CPLANE1: variants seen among roughly 807,000 people sequenced by gnomAD.
CPLANE1 encodes the protein ciliogenesis and planar polarity effector 1.
Under a neutral mutation model 362.5 loss-of-function variants are expected in CPLANE1, and 263 were observed. That is an observed-to-expected ratio of 0.73 (90% CI 0.66 to 0.80). The LOEUF (loss-of-function observed/expected upper bound fraction) is 0.80, where lower values mean the gene tolerates loss of function less well. CPLANE1 is among the 30% of genes least tolerant of loss of function. The pLI is 0.00. For synonymous variants in CPLANE1, 1,212 were observed against 1,302.6 expected (o/e 0.93, Z 1.50); for missense variants, 3,461 against 3,793.4 (o/e 0.91, Z 2.30).
chr5:37,115,102 T>A (rs1416545132), intron 50 of CPLANE1, 53 bp from the exon 51 acceptor site: 1 of 1,164,704 alleles, frequency 8.6e-7, no homozygotes, highest in Non-Finnish European at 1.3e-6. Flanking sequence ...ATGATTTTTA[T>A]ATATATTGTG....
intron 8 of CPLANE1, among the ~76,000 whole-genome samples, chr5:37,234,100 C>T (rs181201452): frequency 9.2e-5 from 14 of 152,116 alleles, no homozygotes; most frequent in Middle Eastern, 3.4e-3. Context: ...TCTATAAAAG[C>T]ATTTTCAAAA....
intron 45 of CPLANE1, 149 bp from the exon 46 acceptor site, chr5:37,138,997 GA>G: frequency 1.4e-6 from 1 of 713,782 alleles, no homozygotes. Context: ...ATCTCTCAGT[GA>G]AAAAGACTAA....
intron 9 of CPLANE1, among the ~76,000 whole-genome samples, chr5:37,230,071 G>C (rs1797372194): frequency 6.6e-6 from 1 of 151,892 alleles, no homozygotes. Flanking sequence ...AGCTACTTGG[G>C]AGGCTGAGGC....
intron 45 of CPLANE1, 149 bp from the exon 46 acceptor site, chr5:37,138,997 G>T: frequency 1.4e-6 from 1 of 713,784 alleles, no homozygotes; most frequent in East Asian, 3.1e-5. Flanking sequence ...ATCTCTCAGT[G>T]AAAAAGACTA....
intron 21 of CPLANE1, 136 bp from the exon 22 acceptor site, chr5:37,187,978 T>C (rs997809301): frequency 8.2e-6 from 4 of 488,804 alleles, no homozygotes; most frequent in African/African-American, 5.8e-5. Context: ...CACATGCTCA[T>C]TGTAAATTTA....
At chr5:37,170,426 A>G in intron 32 of CPLANE1, 95 bp from the exon 33 acceptor site, 1 of 1,249,124 alleles carries the variant, frequency 8.0e-7, no homozygotes, top group Non-Finnish European at 1.1e-6. Flanking sequence ...CAATAGTCAC[A>G]CGTTTGTCTT....
At chr5:37,169,956 A>G in intron 33 of CPLANE1, 85 bp downstream of exon 33, 2 of 1,350,580 alleles carry the variant, frequency 1.5e-6, no homozygotes, top group East Asian at 4.6e-5. Flanking sequence ...CGAACTCCCA[A>G]CCTCAGGTGT....
chr5:37,175,079 G>A (rs939458337), intron 31 of CPLANE1, among the ~76,000 whole-genome samples: 1 of 152,186 alleles, frequency 6.6e-6, no homozygotes, highest in Non-Finnish European at 1.5e-5. Flanking sequence ...ATGGAAGGGG[G>A]AATGGGTTTC....
chr5:37,112,670 T>C (rs1228658978), intron 51 of CPLANE1, among the ~76,000 whole-genome samples: 2 of 152,194 alleles, frequency 1.3e-5, no homozygotes, highest in Admixed American at 6.5e-5. Context: ...TGAAACTGGA[T>C]GATAAAACTA....
At chr5:37,077,654 C>A in the CPLANE1 span, among the ~76,000 whole-genome samples, 1 of 139,386 alleles carries the variant, frequency 7.2e-6, no homozygotes, top group African/African-American at 2.6e-5. Context: ...CGCTCTGTTA[C>A]CCAGGCTGGG....
chr5:37,209,652 G>A lies in CPLANE1; in HGVS notation c.2921-3227C>T. 3.5e-6 allele frequency: 5 copies of A among 1,412,434 alleles called. No individual in the cohort carries two copies. Among genetic ancestry groups the A allele is most frequent in the Non-Finnish European group, 4.0e-6 (4 of 998,516 alleles). The allele number at this position is 1,412,434 out of a possible 1,614,324, so 87.5% of individuals were successfully genotyped here. ...ATATTCACTTTCTGTTTTCTTTCTAGAAAGTGGTTTGGCAAAAGAAAAGGT... is the reference window on the plus strand; with the variant it reads ...ATATTCACTTTCTGTTTTCTTTCTAAAAAGTGGTTTGGCAAAAGAAAAGGT... On this transcript the variant is annotated intron_variant, in intron 16 of 52. Transcript: ENST00000651892. The surrounding 1 kb of genome is among the most constrained non-coding windows in gnomAD (Gnocchi z 4.6).
chr5:37,185,244 A>G (rs191639743), intron 24 of CPLANE1, among the ~76,000 whole-genome samples, 165 bp from the exon 25 acceptor site: 2 of 152,308 alleles, frequency 1.3e-5, no homozygotes, highest in Admixed American at 1.3e-4. Flanking sequence ...TACTGGAAAG[A>G]TATTTTAAAG....
chr5:37,182,519 CTTTT>C (rs772766267), intron 26 of CPLANE1, among the ~76,000 whole-genome samples: 1 of 152,074 alleles, frequency 6.6e-6, no homozygotes, highest in Non-Finnish European at 1.5e-5. Flanking sequence ...TATCTCCTTC[CTTTT>C]TTTCTTTTTT....
intron 34 of CPLANE1, 57 bp from the exon 35 acceptor site, chr5:37,167,270 T>A: frequency 7.3e-7 from 1 of 1,371,108 alleles, no homozygotes; most frequent in Non-Finnish European, 1.0e-6. Context: ...TTATGTAATA[T>A]TTCAACAAAA....
the CPLANE1 span, among the ~76,000 whole-genome samples, chr5:37,090,331 A>G: frequency 6.6e-6 from 1 of 152,200 alleles, no homozygotes; most frequent in Admixed American, 6.5e-5. Context: ...GTTTTTTGCC[A>G]CATACCGGGA....
chr5:37,201,867 T>C lies in CPLANE1; in HGVS notation c.3290-59A>G, dbSNP rs535838244. 81 of 1,224,308 alleles carry C rather than the reference T, an allele frequency of 6.6e-5. 1 individual carries two copies. The South Asian group carries it at 1.1e-3, about 16-fold the overall frequency. 75.8% of individuals were successfully genotyped at this position (1,224,308 alleles called of 1,614,324 possible). On this transcript the variant is annotated intron_variant, in intron 18 of 52. Transcript: ENST00000651892. The stretch of plus-strand genomic sequence containing the variant: ...AGCTTGTATTAAACTTCTTATCCAT[T>C]TTGTAGGAAAAAATTTCAAATCTAA...
intron 8 of CPLANE1, 81 bp from the exon 9 acceptor site, chr5:37,231,130 G>A (rs1797638850): frequency 9.5e-7 from 1 of 1,055,584 alleles, no homozygotes; most frequent in African/African-American, 1.6e-5. Flanking sequence ...GTACCAAGCA[G>A]AGGTGTGAAA....
At chr5:37,130,184 T>C (rs562904030) in intron 46 of CPLANE1, among the ~76,000 whole-genome samples, 1 of 152,064 alleles carries the variant, frequency 6.6e-6, no homozygotes, top group East Asian at 1.9e-4. Flanking sequence ...TCATAAGCTA[T>C]GAGGAGGCAA....
In CPLANE1 at chr5:37,182,958, G is replaced by A; in HGVS notation, c.5223C>T (p.Gly1741=). 1.2e-6 allele frequency: 2 copies of A among 1,605,922 alleles called. No individual in the cohort carries two copies. Among genetic ancestry groups the A allele is most frequent in the Non-Finnish European group, 1.7e-6 (2 of 1,176,228 alleles). The change falls in exon 26 of 53, where the codon GGC becomes GGT. Residue 1741 remains glycine (G), a synonymous_variant. Coordinates refer to ENST00000651892, the MANE Select transcript of CPLANE1 (RefSeq NM_001384732.1). The stretch of plus-strand genomic sequence containing the variant: ...TCCATTCCAGCAGTCTTCCTATACT[G>A]CCAAAAGTGTTTAGTGCTAAAGGAA... ...EDLPLALNTF[G]SIGRLLEWMI... is the part of the protein sequence containing the mutation.
Sources: gnomAD v4.1 joint callset for allele counts (sites outside exome capture counted in the v4.1 genomes callset) on GRCh38, gnomAD v4.1.1 for gene constraint, Gnocchi (gnomAD v3.1) non-coding constraint, MANE v1.5 for transcripts, NCBI Gene and HGNC (gene_info 2026-07-23, HGNC 2026-07-21) for gene names.